SLC7A7: variants seen among roughly 807,000 people sequenced by gnomAD.
SLC7A7 encodes Y+L amino acid transporter 1.
In SLC7A7, 39 loss-of-function variants were observed where a neutral mutation model predicts 47.9. The ratio of observed to expected loss-of-function variants is 0.81; its 90% CI spans 0.63 to 1.06. The LOEUF (loss-of-function observed/expected upper bound fraction) is 1.06, where lower values mean the gene tolerates loss of function less well. Ranked by LOEUF, SLC7A7 falls within the 50% of genes least tolerant of loss-of-function variation. The pLI is 0.00. For synonymous variants in SLC7A7, 234 were observed against 242.8 expected (o/e 0.96, Z 0.34); for missense variants, 588 against 632.0 (o/e 0.93, Z 0.75).
chr14:22,779,697 A>G (rs918778042), intron 3 of SLC7A7, among the ~76,000 whole-genome samples: 4 of 151,742 alleles, frequency 2.6e-5, no homozygotes, highest in African/African-American at 9.7e-5. Flanking sequence ...TCATGGATCC[A>G]CCCGCGATGG....
intron 2 of SLC7A7, among the ~76,000 whole-genome samples, chr14:22,781,245 C>G (rs1465196351): frequency 6.6e-6 from 1 of 152,186 alleles, no homozygotes. Context: ...GAAACACCCT[C>G]TGAGTTCTCC....
At chr14:22,780,132 A>G in intron 2 of SLC7A7, 81 bp from the exon 3 acceptor site, 1 of 1,584,844 alleles carries the variant, frequency 6.3e-7, no homozygotes, top group South Asian at 1.1e-5. Flanking sequence ...TTCCAGTACC[A>G]GTCACCAAGA....
chr14:22,797,520 T>A (rs1418744579), intron 2 of SLC7A7, among the ~76,000 whole-genome samples: 2 of 152,128 alleles, frequency 1.3e-5, no homozygotes, highest in African/African-American at 4.8e-5. Flanking sequence ...AAAGTGGACA[T>A]TGACAATTAC....
At chr14:22,798,381 T>C (rs1168631621) in intron 2 of SLC7A7, among the ~76,000 whole-genome samples, 1 of 152,122 alleles carries the variant, frequency 6.6e-6, no homozygotes, top group Non-Finnish European at 1.5e-5. Flanking sequence ...AAATTTGACC[T>C]AGCATTGATT....
chr14:22,794,164 C>G (rs1311712325), intron 2 of SLC7A7, among the ~76,000 whole-genome samples: 1 of 152,216 alleles, frequency 6.6e-6, no homozygotes, highest in African/African-American at 2.4e-5. Flanking sequence ...ACTCCGGTCT[C>G]CCGCACAGCC....
chr14:22,777,230 T>G (rs1187429467), intron 4 of SLC7A7, among the ~76,000 whole-genome samples: 3 of 151,382 alleles, frequency 2.0e-5, no homozygotes, highest in Non-Finnish European at 4.4e-5. Context: ...AATGGGAGGT[T>G]GTTTTGTTTT....
At chr14:22,806,936 C>T (rs189760835) in intron 2 of SLC7A7, among the ~76,000 whole-genome samples, 39 of 136,340 alleles carry the variant, frequency 2.9e-4, no homozygotes, top group African/African-American at 9.4e-4. Flanking sequence ...CTCGCTCTGT[C>T]GCCCAGGCTA....
intron 2 of SLC7A7, among the ~76,000 whole-genome samples, chr14:22,810,304 A>T (rs2039284861): frequency 6.6e-6 from 1 of 151,020 alleles, no homozygotes; most frequent in Non-Finnish European, 1.5e-5. Flanking sequence ...ATCTCTACTA[A>T]AAATACAAAA....
intron 2 of SLC7A7, among the ~76,000 whole-genome samples, chr14:22,812,622 C>G (rs2039328847): frequency 7.6e-6 from 1 of 131,130 alleles, no homozygotes; most frequent in Non-Finnish European, 1.6e-5. Context: ...GGTGACAGAG[C>G]AAAATACCTG....
Position 22,773,965 on chromosome 14 carries a change from T to C in SLC7A7, c.1397A>G (p.His466Arg), listed in dbSNP as rs1566438765. ...FYFLIIRVPE[H>R]KRPLYLRRIV... ...CCTTCGGAGGTAAAGCGGTCGCTTA[T>C]GTTCTGGCACTCTGATGATGAGGAA... The change falls in exon 9 of 10, where the codon CAT (histidine) becomes CGT (arginine). Residue 466 changes from histidine to arginine, a missense_variant. Coordinates refer to ENST00000674313, the MANE Select transcript of SLC7A7 (RefSeq NM_003982.4). The C allele has an allele frequency of 1.2e-6, 2 of 1,614,082 alleles. No individual in the cohort carries two copies. Among genetic ancestry groups the C allele is most frequent in the Admixed American group, 1.7e-5 (1 of 60,006 alleles).
At chr14:22,777,520 G>A (rs977572479) in intron 4 of SLC7A7, among the ~76,000 whole-genome samples, 1 of 152,090 alleles carries the variant, frequency 6.6e-6, no homozygotes, top group Non-Finnish European at 1.5e-5. Flanking sequence ...CAAGGTCCCT[G>A]TAGCCCAATA....
At chr14:22,790,710 CA>C (rs2038908544) in intron 2 of SLC7A7, among the ~76,000 whole-genome samples, 1 of 151,884 alleles carries the variant, frequency 6.6e-6, no homozygotes, top group African/African-American at 2.4e-5. Context: ...AGTAAAAGGT[CA>C]AATACGGGCC....
At chr14:22,809,484 G>A (rs2039267450) in intron 2 of SLC7A7, among the ~76,000 whole-genome samples, 1 of 152,012 alleles carries the variant, frequency 6.6e-6, no homozygotes, top group South Asian at 2.1e-4. Flanking sequence ...GGGACTATAG[G>A]CACGCACCAC....
intron 2 of SLC7A7, among the ~76,000 whole-genome samples, chr14:22,803,550 C>T (rs2039152121): frequency 6.6e-6 from 1 of 152,198 alleles, no homozygotes; most frequent in Non-Finnish European, 1.5e-5. Context: ...CATCTGGAGA[C>T]GTGCCTTCCT....
At chr14:22,779,736 G>A (rs972698022) in intron 3 of SLC7A7, among the ~76,000 whole-genome samples, 190 bp downstream of exon 3, 4 of 152,048 alleles carry the variant, frequency 2.6e-5, no homozygotes, top group Admixed American at 1.3e-4. Flanking sequence ...TTACAAGCAC[G>A]AGCCACTGCG....
chr14:22,793,586 C>T (rs868022227), intron 2 of SLC7A7, among the ~76,000 whole-genome samples: 7 of 151,914 alleles, frequency 4.6e-5, no homozygotes, highest in Admixed American at 4.6e-4. Flanking sequence ...CATAGGAGGG[C>T]GGATCACCTG....
intron 2 of SLC7A7, among the ~76,000 whole-genome samples, chr14:22,796,156 C>T (rs2039018425): frequency 1.3e-5 from 2 of 152,238 alleles, no homozygotes; most frequent in East Asian, 1.9e-4. Flanking sequence ...AAAAAGGCAA[C>T]TAGCTTCCAA....
rs34654418 is a variant in SLC7A7 at position 22,813,789 on chromosome 14, A to AT, written c.-42-350dup. Among the ~76,000 whole-genome samples the AT allele has an allele frequency of 8.4e-3, 810 of 96,282 alleles. 67 individuals carry two copies. Among genetic ancestry groups the AT allele is most frequent in the East Asian group, 0.053 (163 of 3,098 alleles). 63.2% of individuals were successfully genotyped at this position (96,282 alleles called of 152,430 possible). A position where few individuals can be genotyped will look rare whatever the true frequency, so the allele number is the denominator to read the frequency against. On this transcript the variant is annotated intron_variant, in intron 1 of 9. Coordinates refer to ENST00000674313, the MANE Select transcript of SLC7A7 (RefSeq NM_003982.4). ...AGGCACCTGCCACCACGCGTGGCTA[A>AT]TTTTTTTTTTTTTTTTTTGAGATGG...
Position 22,773,966 on chromosome 14 carries a change from G to A in SLC7A7, c.1396C>T (p.His466Tyr). The stretch of plus-strand genomic sequence containing the variant: ...CTTCGGAGGTAAAGCGGTCGCTTAT[G>A]TTCTGGCACTCTGATGATGAGGAAG... ...FYFLIIRVPEHKRPLYLRRIV... is the reference protein window; with the variant it reads ...FYFLIIRVPEYKRPLYLRRIV... Residue 466 changes from histidine to tyrosine, a missense_variant, in exon 9 of 10, where the codon CAT becomes TAT. By Grantham distance (83) the His-to-Tyr change is moderately conservative. Transcript: ENST00000674313. 3.7e-6 allele frequency: 6 copies of A among 1,611,360 alleles called. No homozygotes were observed. Among genetic ancestry groups the A allele is most frequent in the Non-Finnish European group, 5.1e-6 (6 of 1,178,350 alleles).
Sources: allele counts gnomAD v4.1 joint callset (sites outside exome capture counted in the v4.1 genomes callset), GRCh38; gene constraint gnomAD v4.1.1; transcripts MANE v1.5; gene names NCBI Gene and HGNC (gene_info 2026-07-23, HGNC 2026-07-21).